Variants in SHE observed in about 807,000 individuals in gnomAD.
The protein encoded by SHE is SH2 domain-containing adapter protein E.
In SHE, 11 loss-of-function variants were observed where a neutral mutation model predicts 49.8. That is an observed-to-expected ratio of 0.22 (90% CI 0.14 to 0.37). SHE has a LOEUF of 0.37. Ranked by LOEUF, SHE falls within the 10% of genes least tolerant of loss-of-function variation. The pLI, the probability that SHE is intolerant of heterozygous loss-of-function variation, is 1.00. For synonymous variants in SHE, 310 were observed against 278.1 expected (o/e 1.11, Z -1.14); for missense variants, 624 against 655.5 (o/e 0.95, Z 0.52).
At chr1:154,488,379 C>A (rs1356908352) in intron 3 of SHE, among the ~76,000 whole-genome samples, 1 of 151,436 alleles carries the variant, frequency 6.6e-6, no homozygotes, top group Non-Finnish European at 1.5e-5. Context: ...CTGCCTCAGC[C>A]TCTTGAGTAG....
intron 2 of SHE, among the ~76,000 whole-genome samples, chr1:154,494,750 C>T (rs150700236): frequency 6.6e-6 from 1 of 152,182 alleles, no homozygotes; most frequent in African/African-American, 2.4e-5. Flanking sequence ...GTTTCCTCAA[C>T]TGTATAAAGA....
In SHE at chr1:154,482,582, G is replaced by T; in HGVS notation, c.*1567C>A. On this transcript the variant is annotated 3_prime_UTR_variant, in exon 6 of 6. Coordinates refer to ENST00000304760, the MANE Select transcript of SHE (RefSeq NM_001010846.3). ...TGACAGTCAGTACATTTGCATATGG[G>T]GCAGTTTTGAGACCCAAATGACCAA... is the stretch of plus-strand genomic sequence containing the variant. The T allele has an allele frequency of 1.0e-6, 1 of 985,308 alleles. No homozygotes were observed. The highest frequency in any genetic ancestry group is 1.2e-6 in the Non-Finnish European group (1 of 829,916). The allele number at this position is 985,308 out of a possible 1,614,324, so 61.0% of individuals were successfully genotyped here.
At chr1:154,499,289 T>C (rs1211196199) in intron 1 of SHE, 51 bp from the exon 2 acceptor site, 1 of 1,570,632 alleles carries the variant, frequency 6.4e-7, no homozygotes, top group Non-Finnish European at 8.6e-7. Context: ...TATACCAAAA[T>C]GGCAATGGTA....
chr1:154,481,875 G>GTGAGACCCT lies in SHE; in HGVS notation c.*2273_*2274insAGGGTCTCA. ...TTTGTTTGCTTGCTTGTTGAGACAG[G>GTGAGACCCT]GTCTCACTCTGTCACTCAGGCTGGA... On this transcript the variant is annotated 3_prime_UTR_variant, in exon 6 of 6. Transcript: ENST00000304760. 3 of 816,484 alleles carry GTGAGACCCT rather than the reference G, an allele frequency of 3.7e-6. No individual in the cohort carries two copies. The highest frequency in any genetic ancestry group is 4.4e-6 in the Non-Finnish European group (3 of 675,998). The allele number at this position is 816,484 out of a possible 1,614,324, so 50.6% of individuals were successfully genotyped here.
chr1:154,487,870 GA>G (rs1457881926), intron 3 of SHE, among the ~76,000 whole-genome samples: 2 of 133,566 alleles, frequency 1.5e-5, no homozygotes, highest in Admixed American at 7.3e-5. Flanking sequence ...AAAAAAAAAA[GA>G]AAAAAACTGA....
chr1:154,479,663 T>G lies in SHE; in HGVS notation c.*4486A>C. ...TACAATCTTCAAACATTTTTAAAAG[T>G]TGAAACTATGTATTAGTTGATATCT... On this transcript the variant is annotated 3_prime_UTR_variant, in exon 6 of 6. Coordinates refer to ENST00000304760, the MANE Select transcript of SHE (RefSeq NM_001010846.3). 1 of 977,552 alleles carries G rather than the reference T, an allele frequency of 1.0e-6. No individual in the cohort carries two copies. The highest frequency in any genetic ancestry group is 1.2e-6 in the Non-Finnish European group (1 of 822,750). 60.6% of individuals were successfully genotyped at this position (977,552 alleles called of 1,614,324 possible). A position where few individuals can be genotyped will look rare whatever the true frequency, so the allele number is the denominator to read the frequency against.
rs759045160 is a variant in SHE at position 154,486,685 on chromosome 1, TGGAA to T, written c.1025-6_1025-3del. ...GTCGCTCAGCTCCTTCAAACTGGACTGGAAGGAAGACTCCATTTAACATCACAGG... is the reference window on the plus strand; with the variant it reads ...GTCGCTCAGCTCCTTCAAACTGGACTGGAAGACTCCATTTAACATCACAGG... On this transcript the variant is annotated splice_polypyrimidine_tract_variant and splice_region_variant and intron_variant, in intron 3 of 5. Transcript: ENST00000304760. The T allele has an allele frequency of 2.5e-6, 4 of 1,613,926 alleles. No individual in the cohort carries two copies. Among genetic ancestry groups the T allele is most frequent in the Non-Finnish European group, 3.4e-6 (4 of 1,180,024 alleles).
rs1692102110 is a variant in SHE at position 154,484,197 on chromosome 1, C to T, written c.1440G>A (p.Gly480=). Residue 480 remains glycine, a synonymous_variant, in exon 6 of 6, where the codon GGG becomes GGA. Coordinates refer to ENST00000304760, the MANE Select transcript of SHE (RefSeq NM_001010846.3). ...GGTAGAGTAAAGTCATGTGTTCTGC[C>T]CCTTTGAAAGGCAACTTTTCATTGG... is the stretch of plus-strand genomic sequence containing the variant. ...YYSNEKLPFK[G]AEHMTLLYPV... 6.2e-7 allele frequency: 1 copy of T among 1,614,132 alleles called. No homozygotes were observed. Among genetic ancestry groups the T allele is most frequent in the Non-Finnish European group, 8.5e-7 (1 of 1,180,020 alleles).
chr1:154,493,064 G>C (rs191114355), intron 2 of SHE, among the ~76,000 whole-genome samples: 1 of 152,306 alleles, frequency 6.6e-6, no homozygotes, highest in Non-Finnish European at 1.5e-5. Flanking sequence ...ACACGCGTTT[G>C]AGTTTTTACT....
At chr1:154,500,406 C>T (rs986084313) in intron 1 of SHE, among the ~76,000 whole-genome samples, 22 of 152,100 alleles carry the variant, frequency 1.4e-4, no homozygotes, top group Admixed American at 6.5e-4. Flanking sequence ...GCTGTATTTA[C>T]AGCATGAAAA....
In SHE at chr1:154,485,713, A is replaced by G. The variant is rs1692155666; in HGVS notation, c.1301+230T>C. Reference sequence around the variant, plus strand: ...GGTAGACATTGACTAATGCACAAAGATAATGCAATAAGACCTTCATTATCA... The same window carrying G: ...GGTAGACATTGACTAATGCACAAAGGTAATGCAATAAGACCTTCATTATCA... On this transcript the variant is annotated intron_variant, in intron 5 of 5. Transcript: ENST00000304760. The G allele has an allele frequency of 6.4e-6, 3 of 471,748 alleles. No homozygotes were observed. In the South Asian group the frequency reaches 9.8e-5, roughly 15 times the overall value. The allele number at this position is 471,748 out of a possible 1,614,324, so 29.2% of individuals were successfully genotyped here. A position where few individuals can be genotyped will look rare whatever the true frequency, so the allele number is the denominator to read the frequency against.
intron 1 of SHE, among the ~76,000 whole-genome samples, chr1:154,474,161 G>T (rs1372848295): frequency 6.6e-6 from 1 of 152,214 alleles, no homozygotes; most frequent in Non-Finnish European, 1.5e-5. Flanking sequence ...CACTCACCCC[G>T]GGAGGAGATG....
At chr1:154,474,057 G>C (rs888496997) in intron 1 of SHE, among the ~76,000 whole-genome samples, 1 of 152,222 alleles carries the variant, frequency 6.6e-6, no homozygotes. Context: ...ATGGGGCTCC[G>C]GCCCCCAGCC....
intron 2 of SHE, among the ~76,000 whole-genome samples, chr1:154,498,654 CCAAAGT>C (rs1230223735): frequency 6.6e-6 from 1 of 152,006 alleles, no homozygotes; most frequent in African/African-American, 2.4e-5. Context: ...CGCCTCTCTC[CCAAAGT>C]GCTGGGATTA....
rs922801548 is a variant in SHE at position 154,481,535 on chromosome 1, A to T, written c.*2614T>A. On this transcript the variant is annotated 3_prime_UTR_variant, in exon 6 of 6. Transcript: ENST00000304760. ...CAAGATGTTATTTCATTATACATTC[A>T]TCACAGTTGCTGGGTATGGGCCAAA... The T allele has an allele frequency of 8.1e-6, 8 of 985,320 alleles. No individual in the cohort carries two copies. Among genetic ancestry groups the T allele is most frequent in the Non-Finnish European group, 9.6e-6 (8 of 829,940 alleles). 61.0% of individuals were successfully genotyped at this position (985,320 alleles called of 1,614,324 possible).
Position 154,470,114 on chromosome 1 carries a change from T to C in SHE, c.*227A>G, listed in dbSNP as rs1039477265. 2.8e-5 allele frequency: 10 copies of C among 359,434 alleles called. No homozygotes were observed. The East Asian group carries it at 7.6e-4, about 27-fold the overall frequency. 22.3% of individuals were successfully genotyped at this position (359,434 alleles called of 1,614,324 possible). ...CAGAGGAAAGCCACAGGACAGGTGATGGTGGCCGCCATCTCCTTCAGGACA... is the reference window on the plus strand; with the variant it reads ...CAGAGGAAAGCCACAGGACAGGTGACGGTGGCCGCCATCTCCTTCAGGACA... On this transcript the variant is annotated 3_prime_UTR_variant, in exon 2 of 2. Coordinates refer to the SHE transcript ENST00000486773.
At chr1:154,471,363 AAAAAT>A (rs1245170026) in intron 1 of SHE, among the ~76,000 whole-genome samples, 1 of 152,102 alleles carries the variant, frequency 6.6e-6, no homozygotes, top group African/African-American at 2.4e-5. Flanking sequence ...CTAAATAAGA[AAAAAT>A]AAAAATGAGA....
At position 154,481,336 on chromosome 1, in the gene SHE, T is replaced by C; in HGVS notation, c.*2813A>G. The C allele has an allele frequency of 3.0e-6, 3 of 985,468 alleles. No individual in the cohort carries two copies. Among genetic ancestry groups the C allele is most frequent in the South Asian group, 4.7e-5 (1 of 21,290 alleles). The allele number at this position is 985,468 out of a possible 1,614,324, so 61.0% of individuals were successfully genotyped here. ...CACTAATTTACTATATTTCTTCTTA[T>C]AACCTCCTGTACAACTGTAAAGCAA... On this transcript the variant is annotated 3_prime_UTR_variant, in exon 6 of 6. Transcript: ENST00000304760.
chr1:154,501,766 G>C lies in SHE; in HGVS notation c.261C>G (p.Ala87=), dbSNP rs1692768259. The C allele has an allele frequency of 1.9e-6, 3 of 1,566,488 alleles. No homozygotes were observed. The highest frequency in any genetic ancestry group is 1.8e-4 in the Middle Eastern group (1 of 5,570). Residue 87 remains alanine (A), a synonymous_variant, in exon 1 of 6, where the codon GCC becomes GCG. Transcript: ENST00000304760. ...GPGKGRKNSA[A]ELGSGRAGVG... ...CGCCGGCCCTGCCGCTCCCCAGCTC[G>C]GCCGCCGAGTTCTTGCGGCCCTTGC...
Sources: allele counts gnomAD v4.1 joint callset (sites outside exome capture counted in the v4.1 genomes callset), GRCh38; gene constraint gnomAD v4.1.1; transcripts MANE v1.5; gene names NCBI Gene and HGNC (gene_info 2026-07-23, HGNC 2026-07-21).